RABGAP1L: variants seen among roughly 807,000 people sequenced by gnomAD.
RABGAP1L encodes RAB GTPase activating protein 1 like, also known as rab GTPase-activating protein 1-like.
In RABGAP1L, 63 loss-of-function variants were observed where a neutral mutation model predicts 137.7. That is an observed-to-expected ratio of 0.46 (90% CI 0.37 to 0.56). The LOEUF (loss-of-function observed/expected upper bound fraction) is 0.56. RABGAP1L is among the 20% of genes least tolerant of loss of function. The pLI is 0.00. For synonymous variants in RABGAP1L, 431 were observed against 433.7 expected (o/e 0.99, Z 0.08); for missense variants, 1,095 against 1,244.0 (o/e 0.88, Z 1.80).
At position 174,600,579 on chromosome 1, in the gene RABGAP1L, AG is replaced by A. The variant is rs529216386; in HGVS notation, c.1711-36793del. 8.5e-5 allele frequency among the ~76,000 whole-genome samples: 13 copies of A among 152,320 alleles called. No individual in the cohort carries two copies. The East Asian group carries it at 1.4e-3, about 16-fold the overall frequency. On this transcript the variant is annotated intron_variant, in intron 13 of 25. Transcript: ENST00000681986. ...AAATTGGCCAAAAAAAAGGAGTTAC[AG>A]GGCCCATGCAAGTCCAAAATCCAGT... is the stretch of plus-strand genomic sequence containing the variant.
At chr1:174,176,615 G>C (rs1372271347) in intron 1 of RABGAP1L, among the ~76,000 whole-genome samples, 2 of 141,976 alleles carry the variant, frequency 1.4e-5, no homozygotes, top group Admixed American at 7.5e-5. Flanking sequence ...GGGAGGCTAA[G>C]ATGGGAGGAT....
At chr1:174,942,592 C>T (rs773407857) in intron 19 of RABGAP1L, among the ~76,000 whole-genome samples, 2 of 152,164 alleles carry the variant, frequency 1.3e-5, no homozygotes, top group Admixed American at 1.3e-4. Context: ...TGTTCTTCTT[C>T]TGTAAAATGA....
intron 7 of RABGAP1L, among the ~76,000 whole-genome samples, chr1:174,271,642 T>G (rs1300617208): frequency 6.6e-6 from 1 of 152,032 alleles, no homozygotes; most frequent in African/African-American, 2.4e-5. Context: ...GACTTTACTT[T>G]GCTTACATGT....
At chr1:174,620,304 T>C (rs1672323409) in intron 13 of RABGAP1L, among the ~76,000 whole-genome samples, 1 of 152,156 alleles carries the variant, frequency 6.6e-6, no homozygotes, top group Non-Finnish European at 1.5e-5. Context: ...TCTGCAGAAC[T>C]CTTCACCCCA....
chr1:174,914,763 T>G (rs1241590896), intron 19 of RABGAP1L, among the ~76,000 whole-genome samples: 1 of 152,140 alleles, frequency 6.6e-6, no homozygotes, highest in African/African-American at 2.4e-5. Context: ...CATCATCACA[T>G]CCAGTTTCAG....
At chr1:174,546,004 C>T (rs1187931341) in intron 13 of RABGAP1L, 1 of 152,000 alleles carries the variant, frequency 6.6e-6, no homozygotes, top group African/African-American at 2.4e-5. Flanking sequence ...TAGAAAGGTT[C>T]TGTCATAAAG....
intron 13 of RABGAP1L, among the ~76,000 whole-genome samples, chr1:174,543,178 A>G (rs1665640954): frequency 6.6e-6 from 1 of 152,062 alleles, no homozygotes; most frequent in Non-Finnish European, 1.5e-5. Context: ...TGATCTGTCT[A>G]ATGTTGACAG....
At chr1:174,888,331 A>C (rs1057133903) in intron 19 of RABGAP1L, among the ~76,000 whole-genome samples, 9 of 152,170 alleles carry the variant, frequency 5.9e-5, no homozygotes, top group Non-Finnish European at 8.8e-5. Flanking sequence ...TCTAAGTTCA[A>C]TTCAATGAAC....
chr1:174,772,056 G>A lies in RABGAP1L; in HGVS notation c.2211+19702G>A, dbSNP rs558963079. Among the ~76,000 whole-genome samples the A allele has an allele frequency of 2.6e-4, 40 of 152,058 alleles. No homozygotes were observed. In the Middle Eastern group the frequency reaches 0.01, roughly 39 times the overall value. On this transcript the variant is annotated intron_variant, in intron 18 of 25. Transcript: ENST00000681986. Reference sequence around the variant, plus strand: ...CTACTAAAAATACAAAAAATTAGCCGGGCCTGGTGGTGGGTGCCTGTAATC... The same window carrying A: ...CTACTAAAAATACAAAAAATTAGCCAGGCCTGGTGGTGGGTGCCTGTAATC...
At chr1:174,529,487 G>A (rs1016129993) in intron 13 of RABGAP1L, among the ~76,000 whole-genome samples, 10 of 152,110 alleles carry the variant, frequency 6.6e-5, no homozygotes, top group Non-Finnish European at 1.5e-5. Context: ...GTTTTTATGG[G>A]GATTTGGATA....
chr1:174,632,462 C>G (rs1001237156), intron 13 of RABGAP1L, among the ~76,000 whole-genome samples: 22 of 149,462 alleles, frequency 1.5e-4, no homozygotes, highest in Non-Finnish European at 2.8e-4. Flanking sequence ...TGGGGAAGTT[C>G]TCCTGGATAA....
intron 11 of RABGAP1L, among the ~76,000 whole-genome samples, chr1:174,310,853 C>T (rs903229661): frequency 7.3e-5 from 11 of 151,458 alleles, no homozygotes; most frequent in African/African-American, 2.7e-4. Flanking sequence ...TTCTCTCATA[C>T]TCATATTCTC....
chr1:174,621,814 C>T (rs1385652951), intron 13 of RABGAP1L, among the ~76,000 whole-genome samples: 14 of 152,172 alleles, frequency 9.2e-5, no homozygotes, highest in African/African-American at 2.9e-4. Flanking sequence ...ATGTCTAAAA[C>T]ACAAAAAGTA....
At chr1:174,952,339 CAAAAAAAAAAAAA>C (rs59406597) in intron 19 of RABGAP1L, among the ~76,000 whole-genome samples, 79 of 31,734 alleles carry the variant, frequency 2.5e-3, no homozygotes, top group African/African-American at 0.012. Context: ...CTGGCTCTAC[CAAAAAAAAAAAAA>C]AAAAAAAAAA....
intron 5 of RABGAP1L, chr1:174,243,053 T>TCCG (rs1420672504): frequency 2.0e-5 from 3 of 152,132 alleles, no homozygotes; most frequent in Non-Finnish European, 4.4e-5. Context: ...CTGTGTGATT[T>TCCG]CCGAATCACT....
chr1:174,343,169 C>T (rs1347687051), intron 11 of RABGAP1L, among the ~76,000 whole-genome samples: 2 of 152,174 alleles, frequency 1.3e-5, no homozygotes, highest in African/African-American at 4.8e-5. Flanking sequence ...TCTTTAATTG[C>T]ACAGTATTCT....
At chr1:174,390,546 C>G (rs761190319) in intron 12 of RABGAP1L, among the ~76,000 whole-genome samples, 7 of 151,932 alleles carry the variant, frequency 4.6e-5, no homozygotes, top group Non-Finnish European at 1.0e-4. Context: ...CTGGGCCAAC[C>G]GAGTATTTAA....
At chr1:174,387,217 A>G (rs1398994209) in intron 12 of RABGAP1L, among the ~76,000 whole-genome samples, 1 of 152,184 alleles carries the variant, frequency 6.6e-6, no homozygotes, top group Non-Finnish European at 1.5e-5. Context: ...TTCCTGTAAA[A>G]CAAGTCACTT....
intron 17 of RABGAP1L, among the ~76,000 whole-genome samples, chr1:174,732,240 T>A (rs1682548349): frequency 6.6e-6 from 1 of 150,566 alleles, no homozygotes; most frequent in Non-Finnish European, 1.5e-5. Flanking sequence ...TGAAAGTAAC[T>A]CTACAGGTAG....
Sources: gnomAD v4.1 joint callset for allele counts (sites outside exome capture counted in the v4.1 genomes callset) on GRCh38, gnomAD v4.1.1 for gene constraint, MANE v1.5 for transcripts, NCBI Gene and HGNC (gene_info 2026-07-23, HGNC 2026-07-21) for gene names.